Variants in ZNF503 observed in about 807,000 individuals in gnomAD.
ZNF503 encodes zinc finger protein 503.
ZNF503 carries 15 observed loss-of-function variants against 34.4 expected under a neutral mutation model. That is an observed-to-expected ratio of 0.44 (90% CI 0.29 to 0.67). The LOEUF is 0.67. Among genes scored for constraint, ZNF503 ranks in the 30% least tolerant of loss-of-function variants. The pLI is 0.13. For synonymous variants in ZNF503, 580 were observed against 456.8 expected (o/e 1.27, Z -3.44); for missense variants, 1,007 against 926.8 (o/e 1.09, Z -1.12).
downstream of ZNF503, among the ~76,000 whole-genome samples, chr10:75,397,339 C>G (rs1456111499): frequency 2.0e-5 from 3 of 152,194 alleles, no homozygotes; most frequent in Non-Finnish European, 4.4e-5. Context: ...CCCCCAGGCC[C>G]GGGACACAGG....
chr10:75,348,351 C>T, the ZNF503 span, among the ~76,000 whole-genome samples: 2 of 151,988 alleles, frequency 1.3e-5, no homozygotes, highest in Non-Finnish European at 1.5e-5. Context: ...CATGGGCCAC[C>T]GTGCCTGGCC....
the ZNF503 span, among the ~76,000 whole-genome samples, chr10:75,348,263 A>G: frequency 0.012 from 1 of 84 alleles, no homozygotes; most frequent in Non-Finnish European, 0.019. Context: ...GGGTTTCACC[A>G]TATTGGCAGG....
chr10:75,322,627 G>A, the ZNF503 span, among the ~76,000 whole-genome samples: 2 of 151,926 alleles, frequency 1.3e-5, no homozygotes, highest in Non-Finnish European at 2.9e-5. Flanking sequence ...GCCAGGAGTT[G>A]GAGACCAGCC....
chr10:75,397,226 G>C (rs1053042724), downstream of ZNF503, among the ~76,000 whole-genome samples: 57 of 152,082 alleles, frequency 3.7e-4, no homozygotes, highest in African/African-American at 1.4e-3. Flanking sequence ...TGGGGGTGGG[G>C]GTGAGGGCGA....
the ZNF503 span, among the ~76,000 whole-genome samples, chr10:75,321,550 A>G: frequency 6.6e-6 from 1 of 152,242 alleles, no homozygotes; most frequent in Non-Finnish European, 1.5e-5. Flanking sequence ...AATGAAGTCC[A>G]GGCTGAGGAG....
the ZNF503 span, chr10:75,382,418 C>A: frequency 2.4e-6 from 1 of 418,676 alleles, no homozygotes; most frequent in South Asian, 2.1e-5. Context: ...TTCCTCATGT[C>A]GGAGACTATC....
rs747667090 is a variant in ZNF503, at chr10:75,400,024, G to T, written c.666C>A (p.Phe222Leu). ...AGCTCGGGCTGCCTGTCCTGGGCGT[G>T]AATGGCTGGCAGGTGGCGCTCGGTA... Reference protein sequence around the residue: ...FRVPSATCQPFTPRTGSPSSS... With the variant: ...FRVPSATCQPLTPRTGSPSSS... The change falls in exon 2 of 2, where the codon TTC becomes TTA. Residue 222 changes from phenylalanine to leucine, a missense_variant. By Grantham distance (22) the Phe-to-Leu change is conservative (BLOSUM62 0). Transcript: ENST00000372524. 1 of 1,603,548 alleles carries T rather than the reference G, an allele frequency of 6.2e-7. No individual in the cohort carries two copies. Among genetic ancestry groups the T allele is most frequent in the Non-Finnish European group, 8.5e-7 (1 of 1,178,286 alleles).
the ZNF503 span, among the ~76,000 whole-genome samples, chr10:75,348,489 C>T: frequency 1.4e-4 from 21 of 151,094 alleles, no homozygotes; most frequent in South Asian, 2.3e-3. Context: ...TGAGCCACCA[C>T]GCCTGGCCCC....
the ZNF503 span, among the ~76,000 whole-genome samples, chr10:75,380,620 T>C: frequency 6.6e-6 from 1 of 152,224 alleles, no homozygotes; most frequent in East Asian, 1.9e-4. Flanking sequence ...GAAACTTTAG[T>C]AAGGTTTTGC....
At chr10:75,298,408 T>C in the ZNF503 span, among the ~76,000 whole-genome samples, 1 of 152,236 alleles carries the variant, frequency 6.6e-6, no homozygotes, top group Non-Finnish European at 1.5e-5. Flanking sequence ...CTCTATGGAT[T>C]TGCCTATTCT....
At chr10:75,338,264 TCTC>T in the ZNF503 span, 1 of 152,210 alleles carries the variant, frequency 6.6e-6, no homozygotes, top group African/African-American at 2.4e-5. Context: ...TCCCTCACTC[TCTC>T]TTTTTTCCTT....
chr10:75,341,689 C>T, the ZNF503 span, among the ~76,000 whole-genome samples: 1 of 152,288 alleles, frequency 6.6e-6, no homozygotes, highest in African/African-American at 2.4e-5. Context: ...ATACATTACT[C>T]AATAAATGGT....
chr10:75,363,534 G>A, the ZNF503 span, among the ~76,000 whole-genome samples: 1 of 152,208 alleles, frequency 6.6e-6, no homozygotes, highest in Non-Finnish European at 1.5e-5. Context: ...ATCCTGCAAT[G>A]TTCAGGACAG....
the ZNF503 span, among the ~76,000 whole-genome samples, chr10:75,312,585 C>T: frequency 6.6e-6 from 1 of 152,092 alleles, no homozygotes; most frequent in Admixed American, 6.6e-5. Flanking sequence ...TGGTGGAAAC[C>T]TTTCCATCAC....
At chr10:75,358,867 C>A in the ZNF503 span, 1 of 152,504 alleles carries the variant, frequency 6.6e-6, no homozygotes, top group Non-Finnish European at 1.5e-5. Flanking sequence ...CTCCACCCTG[C>A]CACATTCCCA....
At chr10:75,394,691 C>CGTGA (rs1843677812), downstream of ZNF503, among the ~76,000 whole-genome samples, 1 of 152,192 alleles carries the variant, frequency 6.6e-6, no homozygotes, top group Admixed American at 6.5e-5. Context: ...GTGTGCCACA[C>CGTGA]GTGACCAGGT....
At chr10:75,310,849 A>G in the ZNF503 span, among the ~76,000 whole-genome samples, 1 of 152,254 alleles carries the variant, frequency 6.6e-6, no homozygotes. Context: ...GAGCAGTGTC[A>G]GAAAAAGTCT....
At chr10:75,339,319 T>TA in the ZNF503 span, among the ~76,000 whole-genome samples, 2 of 151,752 alleles carry the variant, frequency 1.3e-5, no homozygotes, top group African/African-American at 2.4e-5. Flanking sequence ...CTCTCATGTA[T>TA]AAAAAAAAGG....
Position 75,401,154 on chromosome 10 carries a change from T to C in ZNF503, c.266A>G (p.His89Arg). 6.2e-7 allele frequency: 1 copy of C among 1,611,660 alleles called. No individual in the cohort carries two copies. Among genetic ancestry groups the C allele is most frequent in the Non-Finnish European group, 8.5e-7 (1 of 1,178,934 alleles). Residue 89 changes from histidine to arginine, a missense_variant, in exon 1 of 2, where the codon CAC (histidine) becomes CGC (arginine). His to Arg is a conservative substitution (Grantham distance 29). Coordinates refer to ENST00000372524, the MANE Select transcript of ZNF503 (RefSeq NM_032772.6). The stretch of plus-strand genomic sequence containing the variant: ...AGGCAGGGGCTGCAGGTACTCGGGG[T>C]GCAAAATGTGGCCAGTTCGTGCCGT... ...MLTARTGHIL[H>R]PEYLQPLPST...
Sources: allele counts gnomAD v4.1 joint callset (sites outside exome capture counted in the v4.1 genomes callset), GRCh38; gene constraint gnomAD v4.1.1; transcripts MANE v1.5; gene names NCBI Gene and HGNC (gene_info 2026-07-23, HGNC 2026-07-21).